TSPAN13: variants seen among roughly 807,000 people sequenced by gnomAD.
The protein encoded by TSPAN13 is tetraspanin 13.
In TSPAN13, 18 loss-of-function variants were observed where a neutral mutation model predicts 26.9. That is an observed-to-expected ratio of 0.67 (90% CI 0.46 to 0.99). The LOEUF is 0.99. Among genes scored for constraint, TSPAN13 ranks in the 50% least tolerant of loss-of-function variants. The probability of loss-of-function intolerance (pLI) is 0.00; values close to 1 mark genes in which losing one functional copy is unlikely to be tolerated. For synonymous variants in TSPAN13, 116 were observed against 98.4 expected (o/e 1.18, Z -1.06); for missense variants, 201 against 249.6 (o/e 0.81, Z 1.31).
intron 1 of TSPAN13, among the ~76,000 whole-genome samples, chr7:16,760,371 G>A (rs1347423628): frequency 1.3e-5 from 2 of 152,100 alleles, no homozygotes; most frequent in African/African-American, 2.4e-5. Flanking sequence ...GAGGTAGGGC[G>A]ACCTGATTTA....
intron 5 of TSPAN13, among the ~76,000 whole-genome samples, chr7:16,780,497 G>C (rs1784802780): frequency 6.6e-6 from 1 of 152,152 alleles, no homozygotes. Flanking sequence ...TGACTTGTGA[G>C]TTGGTTGTGA....
At chr7:16,759,889 G>A (rs1784523166) in intron 1 of TSPAN13, among the ~76,000 whole-genome samples, 3 of 152,122 alleles carry the variant, frequency 2.0e-5, no homozygotes, top group South Asian at 4.2e-4. Context: ...CGGGGTCTGT[G>A]TTGTCTGGGC....
At chr7:16,764,344 C>T (rs1220087377) in intron 1 of TSPAN13, among the ~76,000 whole-genome samples, 1 of 151,964 alleles carries the variant, frequency 6.6e-6, no homozygotes, top group Non-Finnish European at 1.5e-5. Flanking sequence ...TTCTTTAATA[C>T]CATTATTGTA....
At chr7:16,781,649 A>G (rs769548219) in intron 5 of TSPAN13, among the ~76,000 whole-genome samples, 4 of 152,098 alleles carry the variant, frequency 2.6e-5, no homozygotes, top group Non-Finnish European at 4.4e-5. Context: ...GATTATGAGT[A>G]TTTAGTTTGT....
At chr7:16,761,236 C>T (rs1348414809) in intron 1 of TSPAN13, among the ~76,000 whole-genome samples, 1 of 152,338 alleles carries the variant, frequency 6.6e-6, no homozygotes, top group African/African-American at 2.4e-5. Flanking sequence ...TTCGCAAGAG[C>T]ACTTCAGGCC....
chr7:16,774,565 C>G (rs565103432), intron 1 of TSPAN13, among the ~76,000 whole-genome samples: 4 of 152,044 alleles, frequency 2.6e-5, no homozygotes, highest in African/African-American at 9.7e-5. Context: ...TTTCTCAGTC[C>G]AAGACTGTTT....
chr7:16,763,783 G>A (rs866505404), intron 1 of TSPAN13, among the ~76,000 whole-genome samples: 2 of 152,314 alleles, frequency 1.3e-5, no homozygotes, highest in Middle Eastern at 3.4e-3. Context: ...GGTCAGAGGG[G>A]CCAGTCATTA....
intron 1 of TSPAN13, among the ~76,000 whole-genome samples, chr7:16,771,059 C>G (rs1784671409): frequency 6.6e-6 from 1 of 152,174 alleles, no homozygotes; most frequent in African/African-American, 2.4e-5. Flanking sequence ...CCTAGCTCTG[C>G]TATGAAACCT....
At chr7:16,755,744 T>C (rs942293069) in intron 1 of TSPAN13, among the ~76,000 whole-genome samples, 1 of 152,132 alleles carries the variant, frequency 6.6e-6, no homozygotes, top group Non-Finnish European at 1.5e-5. Flanking sequence ...CAATGTATAA[T>C]CTTTTTTAAA....
intron 5 of TSPAN13, among the ~76,000 whole-genome samples, chr7:16,782,642 AC>A (rs1192517173): frequency 1.3e-5 from 2 of 152,174 alleles, no homozygotes; most frequent in Non-Finnish European, 2.9e-5. Context: ...ATCTCTTCCT[AC>A]CAAGAGAGGT....
intron 5 of TSPAN13, among the ~76,000 whole-genome samples, chr7:16,783,214 G>A (rs964109302): frequency 6.6e-6 from 1 of 152,062 alleles, no homozygotes; most frequent in Non-Finnish European, 1.5e-5. Flanking sequence ...CAGTCATTCA[G>A]TTTACCACAG....
At chr7:16,776,419 T>G (rs1028205505) in intron 2 of TSPAN13, 41 bp downstream of exon 2, 81 of 1,577,912 alleles carry the variant, frequency 5.1e-5, no homozygotes, top group Non-Finnish European at 6.6e-5. Flanking sequence ...TTGATGACTA[T>G]TTTGATGGTT....
intron 3 of TSPAN13, 61 bp from the exon 4 acceptor site, chr7:16,777,737 C>G: frequency 7.7e-7 from 1 of 1,293,692 alleles, no homozygotes; most frequent in Non-Finnish European, 1.1e-6. Flanking sequence ...AAGTTACAGG[C>G]TCCAGCTTTA....
intron 1 of TSPAN13, among the ~76,000 whole-genome samples, chr7:16,771,682 G>A (rs1029958098): frequency 1.3e-5 from 2 of 152,220 alleles, no homozygotes; most frequent in East Asian, 1.9e-4. Context: ...GAGCTTTCAG[G>A]AGTACAACCT....
intron 1 of TSPAN13, among the ~76,000 whole-genome samples, chr7:16,759,857 T>C (rs1469285246): frequency 2.6e-5 from 4 of 152,084 alleles, no homozygotes; most frequent in African/African-American, 9.7e-5. Context: ...CCCAGCTAAT[T>C]TTAAAAAATA....
At chr7:16,774,966 C>G (rs914451731) in intron 1 of TSPAN13, among the ~76,000 whole-genome samples, 4 of 152,130 alleles carry the variant, frequency 2.6e-5, no homozygotes, top group African/African-American at 9.7e-5. Flanking sequence ...GCCTGACAAA[C>G]TATTGTATTA....
intron 1 of TSPAN13, among the ~76,000 whole-genome samples, chr7:16,774,846 C>CA (rs1020365123): frequency 6.6e-6 from 1 of 151,698 alleles, no homozygotes; most frequent in Non-Finnish European, 1.5e-5. Flanking sequence ...GTCTCTTTGG[C>CA]AAAAAAATAC....
chr7:16,781,356 A>C (rs1784811626), intron 5 of TSPAN13, among the ~76,000 whole-genome samples: 1 of 152,140 alleles, frequency 6.6e-6, no homozygotes, highest in South Asian at 2.1e-4. Context: ...TCATGTTATG[A>C]GCAATATATT....
chr7:16,779,169 G>C, intron 5 of TSPAN13, 53 bp downstream of exon 5: 2 of 1,377,286 alleles, frequency 1.5e-6, no homozygotes, highest in Non-Finnish European at 2.0e-6. Context: ...TTCCTGTTTT[G>C]CATGACAAAG....
Sources: gnomAD v4.1 joint callset for allele counts (sites outside exome capture counted in the v4.1 genomes callset) on GRCh38, gnomAD v4.1.1 for gene constraint, MANE v1.5 for transcripts, NCBI Gene and HGNC (gene_info 2026-07-23, HGNC 2026-07-21) for gene names.